ADAM18: variants seen among roughly 807,000 people sequenced by gnomAD.
ADAM18 encodes the protein disintegrin and metalloproteinase domain-containing protein 18.
ADAM18 carries 117 observed loss-of-function variants against 94.4 expected under a neutral mutation model. The observed-to-expected ratio is 1.24, with a 90% confidence interval of 1.07 to 1.45. The LOEUF is 1.45. Ranked by LOEUF, ADAM18 falls within the 40% of genes most tolerant of loss-of-function variation. The probability of loss-of-function intolerance (pLI) is 0.00; values close to 1 mark genes in which losing one functional copy is unlikely to be tolerated. For missense variants in ADAM18, 936 were observed against 880.0 expected, an observed-to-expected ratio of 1.06 and a Z score of -0.81; for synonymous variants, 327 against 291.6, an observed-to-expected ratio of 1.12 and a Z score of -1.24.
intron 11 of ADAM18, among the ~76,000 whole-genome samples, 168 bp from the exon 12 acceptor site, chr8:39,648,176 T>C (rs981670625): frequency 9.9e-5 from 15 of 152,216 alleles, no homozygotes; most frequent in Admixed American, 5.9e-4. Flanking sequence ...TTTAAGAGAA[T>C]GTTAAAGATA....
intron 12 of ADAM18, among the ~76,000 whole-genome samples, chr8:39,654,427 T>C (rs1213559198): frequency 6.8e-6 from 1 of 147,130 alleles, no homozygotes; most frequent in Non-Finnish European, 1.5e-5. Context: ...CCACGTTTTC[T>C]TTTTCCATTC....
chr8:39,585,513 C>A (rs968797022), intron 2 of ADAM18, among the ~76,000 whole-genome samples, 161 bp downstream of exon 2: 2 of 152,146 alleles, frequency 1.3e-5, no homozygotes, highest in Non-Finnish European at 2.9e-5. Context: ...CTTGTTCCCC[C>A]ATTTCTGCTG....
intron 7 of ADAM18, among the ~76,000 whole-genome samples, chr8:39,635,633 A>G (rs909229911): frequency 3.0e-4 from 46 of 152,188 alleles, no homozygotes; most frequent in African/African-American, 1.1e-3. Flanking sequence ...TTCCTAATTC[A>G]GTCCTCAATT....
At chr8:39,660,354 G>A (rs1007163154) in intron 12 of ADAM18, among the ~76,000 whole-genome samples, 56 of 152,236 alleles carry the variant, frequency 3.7e-4, no homozygotes, top group African/African-American at 1.3e-3. Context: ...ACATCCAGGA[G>A]CCTAGCTTTA....
At chr8:39,723,012 G>A (rs1309500779) in intron 18 of ADAM18, among the ~76,000 whole-genome samples, 1 of 151,456 alleles carries the variant, frequency 6.6e-6, no homozygotes, top group East Asian at 1.9e-4. Flanking sequence ...GAAGGATTAG[G>A]AAATGTCCTG....
intron 12 of ADAM18, among the ~76,000 whole-genome samples, chr8:39,654,154 CTTTTT>C (rs1177248372): frequency 7.2e-6 from 1 of 139,852 alleles, no homozygotes. Context: ...GATTTCATTC[CTTTTT>C]TTTTTTTTTT....
At chr8:39,637,008 A>G (rs571288892) in intron 7 of ADAM18, among the ~76,000 whole-genome samples, 1 of 128,836 alleles carries the variant, frequency 7.8e-6, no homozygotes, top group African/African-American at 2.9e-5. Flanking sequence ...ATATTTCCGC[A>G]TGTGTGTATT....
chr8:39,693,158 C>T (rs532739941), intron 17 of ADAM18, among the ~76,000 whole-genome samples: 5 of 151,482 alleles, frequency 3.3e-5, no homozygotes, highest in Middle Eastern at 3.4e-3. Context: ...AAATTTGTTA[C>T]TTTTATATTG....
chr8:39,679,699 A>G (rs1821389594), intron 15 of ADAM18, among the ~76,000 whole-genome samples: 1 of 152,170 alleles, frequency 6.6e-6, no homozygotes, highest in South Asian at 2.1e-4. Flanking sequence ...ATAAGTGACC[A>G]GGCTGGCCAA....
chr8:39,600,098 A>G (rs1311282661), intron 2 of ADAM18, among the ~76,000 whole-genome samples: 1 of 152,128 alleles, frequency 6.6e-6, no homozygotes, highest in Admixed American at 6.5e-5. Context: ...GAAAGTTTTC[A>G]TCTGTTCTTG....
At chr8:39,629,583 CCT>C (rs1326469433) in intron 7 of ADAM18, 144 bp downstream of exon 7, 13 of 534,702 alleles carry the variant, frequency 2.4e-5, no homozygotes, top group Non-Finnish European at 4.2e-5. Flanking sequence ...TTCTCCCTCT[CCT>C]CTCTTTTCCT....
In ADAM18 at chr8:39,706,812, G is replaced by A. The variant is rs150807328; in HGVS notation, c.1925G>A (p.Cys642Tyr). The A allele has an allele frequency of 1.2e-6, 2 of 1,606,318 alleles. No individual in the cohort carries two copies. Among genetic ancestry groups the A allele is most frequent in the African/African-American group, 1.3e-5 (1 of 74,684 alleles). The part of the protein sequence containing the change: ...GKGICNNFGN[C>Y]QCFPGHRPPD... ...CAGATATGTAATAATTTTGGTAATTGTCAATGCTTCCCTGGACATAGACCT... is the reference window on the plus strand; with the variant it reads ...CAGATATGTAATAATTTTGGTAATTATCAATGCTTCCCTGGACATAGACCT... The change falls in exon 18 of 20, where the codon TGT (cysteine) becomes TAT (tyrosine). Residue 642 changes from cysteine to tyrosine, a missense_variant. Cys to Tyr is a radical substitution (Grantham distance 194, BLOSUM62 -2). Coordinates refer to ENST00000265707, the MANE Select transcript of ADAM18 (RefSeq NM_014237.3).
intron 18 of ADAM18, among the ~76,000 whole-genome samples, chr8:39,721,568 A>G (rs921515476): frequency 1.3e-5 from 2 of 151,664 alleles, no homozygotes; most frequent in South Asian, 2.1e-4. Context: ...CAAAAGAAAA[A>G]ATATAAACAA....
chr8:39,672,622 A>G (rs766081199), intron 14 of ADAM18, among the ~76,000 whole-genome samples: 8 of 152,174 alleles, frequency 5.3e-5, no homozygotes, highest in Non-Finnish European at 7.3e-5. Flanking sequence ...CCACACTCTG[A>G]ATCTAAACCA....
intron 12 of ADAM18, among the ~76,000 whole-genome samples, chr8:39,658,891 A>G (rs1282374965): frequency 1.3e-5 from 2 of 152,176 alleles, no homozygotes; most frequent in Non-Finnish European, 2.9e-5. Flanking sequence ...ATGTGCTATT[A>G]CAACTTTTCT....
intron 14 of ADAM18, among the ~76,000 whole-genome samples, chr8:39,669,330 A>G (rs1245540334): frequency 6.7e-6 from 1 of 148,592 alleles, no homozygotes; most frequent in East Asian, 2.0e-4. Context: ...TATTATTATT[A>G]TACTTTAAGT....
intron 12 of ADAM18, among the ~76,000 whole-genome samples, chr8:39,657,653 C>T (rs1194770853): frequency 6.6e-6 from 1 of 152,126 alleles, no homozygotes; most frequent in Non-Finnish European, 1.5e-5. Flanking sequence ...CATCTCAAGA[C>T]TTGATGACAC....
At chr8:39,593,633 G>T (rs1818644769) in intron 2 of ADAM18, among the ~76,000 whole-genome samples, 2 of 151,988 alleles carry the variant, frequency 1.3e-5, no homozygotes, top group African/African-American at 4.8e-5. Flanking sequence ...TCACCAAAAG[G>T]ATACAATGGG....
At chr8:39,681,441 G>C (rs1054671117) in intron 16 of ADAM18, among the ~76,000 whole-genome samples, 57 of 152,260 alleles carry the variant, frequency 3.7e-4, no homozygotes, top group African/African-American at 1.3e-3. Context: ...AGAGAACCCA[G>C]ATAAGATGTG....
Sources: allele counts gnomAD v4.1 joint callset (sites outside exome capture counted in the v4.1 genomes callset), GRCh38; gene constraint gnomAD v4.1.1; transcripts MANE v1.5; gene names NCBI Gene and HGNC (gene_info 2026-07-23, HGNC 2026-07-21).